Variants in MYO15A observed in about 807,000 individuals in gnomAD.
MYO15A encodes the protein myosin XVA, also known as unconventional myosin-XV.
A neutral mutation model predicts 394.6 loss-of-function variants in MYO15A; 308 were observed. The observed-to-expected ratio is 0.78, with a 90% CI of 0.71 to 0.86. MYO15A has a LOEUF of 0.86. Among genes scored for constraint, MYO15A ranks in the 40% least tolerant of loss-of-function variants. MYO15A has a pLI of 0.00. For missense variants in MYO15A, 4,606 were observed against 4,799.1 expected (o/e 0.96, Z 1.19); for synonymous variants, 1,957 against 2,003.8 (o/e 0.98, Z 0.62).
At position 18,157,179 on chromosome 17, in the gene MYO15A, C is replaced by T. The variant is rs1417964003; in HGVS notation, c.8737C>T (p.Arg2913Cys). ...RVGYSAGCVV[R>C]RKVVYLEELR... ...AGGCTACAGTGCTGGCTGCGTGGTTCGCAGGAAGGTGGTGTACCTGGAGGA... is the reference window on the plus strand; with the variant it reads ...AGGCTACAGTGCTGGCTGCGTGGTTTGCAGGAAGGTGGTGTACCTGGAGGA... Residue 2913 changes from arginine to cysteine, a missense_variant, in exon 50 of 66, where the codon CGC becomes TGC. Physicochemically the swap from Arg to Cys is radical, Grantham distance 180. Transcript: ENST00000647165. 1.2e-5 allele frequency: 19 copies of T among 1,610,414 alleles called. No individual in the cohort carries two copies. Among genetic ancestry groups the T allele is most frequent in the Non-Finnish European group, 1.4e-5 (16 of 1,178,376 alleles).
Position 18,141,688 on chromosome 17 carries a change from C to T in MYO15A, c.5567C>T (p.Pro1856Leu), listed in dbSNP as rs1160756794. ...CTAGTGGCCCTCAAGCATGACCTGC[C>T]GGCTAATGGGGACATGTGTGTGTCA... The part of the protein sequence containing the change: ...CCLVALKHDL[P>L]ANGDMCVSVL... Residue 1856 changes from proline to leucine, a missense_variant, in exon 23 of 66, where the codon CCG becomes CTG. Around this residue, in one of 2 missense-constraint regions of MYO15A, gnomAD observed 2,776 missense variants for 3,109.3 expected, o/e 0.89. Transcript: ENST00000647165. 2.0e-5 allele frequency: 32 copies of T among 1,613,984 alleles called. No homozygotes were observed. The highest frequency in any genetic ancestry group is 5.0e-5 in the Admixed American group (3 of 60,002).
intron 13 of MYO15A, 77 bp from the exon 14 acceptor site, chr17:18,136,340 C>G: frequency 5.1e-6 from 8 of 1,564,948 alleles, no homozygotes; most frequent in Non-Finnish European, 6.1e-6. Flanking sequence ...CATGATCCCA[C>G]TCCCTTAGTC....
At chr17:18,133,743 G>A (rs1259676718) in intron 12 of MYO15A, among the ~76,000 whole-genome samples, 2 of 151,248 alleles carry the variant, frequency 1.3e-5, no homozygotes, top group East Asian at 2.0e-4. Context: ...TGCAACCACC[G>A]CCTCCCAGGC....
At position 18,141,637 on chromosome 17, in the gene MYO15A, T is replaced by C. The variant is rs761943186; in HGVS notation, c.5532-16T>C. 6.2e-7 allele frequency: 1 copy of C among 1,612,198 alleles called. No individual in the cohort carries two copies. ...TAGGTCTCATAGCCCCAGACTAACT[T>C]TGGGCCCCCTACCAGGTACTGCTGT... is the stretch of plus-strand genomic sequence containing the variant. On this transcript the variant is annotated splice_polypyrimidine_tract_variant and intron_variant, in intron 22 of 65. Transcript: ENST00000647165.
At position 18,146,061 on chromosome 17, in the gene MYO15A, C is replaced by G; in HGVS notation, c.6463C>G (p.Leu2155Val). Residue 2155 changes from leucine to valine, a missense_variant, in exon 30 of 66, where the codon CTC becomes GTC. This residue lies in a region of MYO15A where 2,776 missense variants were observed against 3,109.3 expected (regional missense o/e 0.89). Transcript: ENST00000647165. ...ERGWLLLAAC[L>V]SGFAPSPCFN... is the part of the protein sequence containing the mutation. The stretch of plus-strand genomic sequence containing the variant: ...GGGCTGGCTGCTGCTGGCCGCCTGC[C>G]TCAGTGGCTTTGCACCTTCCCCGTG... The G allele has an allele frequency of 1.9e-6, 3 of 1,613,940 alleles. No homozygotes were observed. Among genetic ancestry groups the G allele is most frequent in the Non-Finnish European group, 2.5e-6 (3 of 1,180,036 alleles).
Position 18,132,686 on chromosome 17 carries a change from A to G in MYO15A, c.4320+120A>G. 1 of 826,622 alleles carries G rather than the reference A, an allele frequency of 1.2e-6. No individual in the cohort carries two copies. Among genetic ancestry groups the G allele is most frequent in the Non-Finnish European group, 2.0e-6 (1 of 498,792 alleles). 51.2% of individuals were successfully genotyped at this position (826,622 alleles called of 1,614,324 possible). A position where few individuals can be genotyped will look rare whatever the true frequency, so the allele number is the denominator to read the frequency against. On this transcript the variant is annotated intron_variant, in intron 11 of 65. Coordinates refer to ENST00000647165, the MANE Select transcript of MYO15A (RefSeq NM_016239.4). The surrounding 1 kb of genome is among the most constrained non-coding windows in gnomAD (Gnocchi z 4.6). ...GTGTGAAGGTGAAGGAGATTTGGGG[A>G]GGGTGAGTTTGGATTTAAGACATCT...
intron 64 of MYO15A, 190 bp downstream of exon 64, chr17:18,172,480 C>T: frequency 1.1e-6 from 1 of 891,660 alleles, no homozygotes; most frequent in East Asian, 2.7e-5. Context: ...AAGAGTTGAG[C>T]CCCACCCATA....
chr17:18,163,887 C>T, intron 60 of MYO15A, 49 bp downstream of exon 60: 2 of 1,581,188 alleles, frequency 1.3e-6, no homozygotes, highest in East Asian at 2.3e-5. Flanking sequence ...CATCCCCGGG[C>T]CTTGTGCCAT....
At chr17:18,145,330 G>C (rs974395103) in intron 29 of MYO15A, among the ~76,000 whole-genome samples, 1 of 152,154 alleles carries the variant, frequency 6.6e-6, no homozygotes, top group African/African-American at 2.4e-5. Flanking sequence ...GGGAGCTCTA[G>C]AAGGTTCATG....
In MYO15A at chr17:18,121,603, C is replaced by T. The variant is rs1415043594; in HGVS notation, c.2803C>T (p.Pro935Ser). The change falls in exon 2 of 66, where the codon CCC becomes TCC. Residue 935 changes from proline (P) to serine (S), a missense_variant. This residue lies in a region of MYO15A where 1,830 missense variants were observed against 1,689.7 expected (regional missense o/e 1.08). Transcript: ENST00000647165. This position sits in a 1 kb window ranked among gnomAD's most constrained non-coding sequence, Gnocchi z 5.3. ...CCCCAGCTGGGACGTGGACATGCCTCCCACCCAACGCCCACCCTCCCCCTG... is the reference window on the plus strand; with the variant it reads ...CCCCAGCTGGGACGTGGACATGCCTTCCACCCAACGCCCACCCTCCCCCTG... ...LAPSWDVDMPPTQRPPSPWPG... is the reference protein window; with the variant it reads ...LAPSWDVDMPSTQRPPSPWPG... The T allele has an allele frequency of 6.3e-7, 1 of 1,587,822 alleles. No homozygotes were observed. The highest frequency in any genetic ancestry group is 1.3e-5 in the African/African-American group (1 of 74,408).
At chr17:18,123,619 T>A (rs2045979278) in intron 2 of MYO15A, 1 of 152,372 alleles carries the variant, frequency 6.6e-6, no homozygotes, top group African/African-American at 2.4e-5. Flanking sequence ...GTCATGTGGA[T>A]CCTGCGCAGG....
chr17:18,176,232 C>T (rs1018391720), intron 65 of MYO15A, among the ~76,000 whole-genome samples: 1 of 152,200 alleles, frequency 6.6e-6, no homozygotes, highest in African/African-American at 2.4e-5. Context: ...TTATCTGGCT[C>T]ACGGTTCTGC....
intron 12 of MYO15A, among the ~76,000 whole-genome samples, chr17:18,134,455 T>C (rs1241682083): frequency 6.6e-6 from 1 of 152,266 alleles, no homozygotes; most frequent in Non-Finnish European, 1.5e-5. Flanking sequence ...CTAAGACCTT[T>C]TATGGATTTT....
chr17:18,172,414 C>A, intron 64 of MYO15A, 124 bp downstream of exon 64: 1 of 1,396,094 alleles, frequency 7.2e-7, no homozygotes, highest in Non-Finnish European at 1.0e-6. Flanking sequence ...TTCATGATCT[C>A]AGGCAAGTCT....
At chr17:18,172,333 C>G (rs2046954352) in intron 64 of MYO15A, 43 bp downstream of exon 64, 1 of 1,613,940 alleles carries the variant, frequency 6.2e-7, no homozygotes, top group East Asian at 2.2e-5. Flanking sequence ...ACCCTCTGTT[C>G]CCTGGTCCCC....
chr17:18,161,246 A>G, intron 56 of MYO15A, 71 bp from the exon 57 acceptor site: 1 of 1,580,264 alleles, frequency 6.3e-7, no homozygotes, highest in African/African-American at 1.3e-5. Flanking sequence ...GTCTCAGCTC[A>G]ATCCCAGGAG....
At chr17:18,171,516 C>T in intron 62 of MYO15A, 122 bp from the exon 63 acceptor site, 1 of 1,471,288 alleles carries the variant, frequency 6.8e-7, no homozygotes, top group Non-Finnish European at 9.5e-7. Context: ...TTTACACTCC[C>T]TAGCATTTAG....
At chr17:18,161,535 G>C (rs543266962) in intron 57 of MYO15A, 88 bp downstream of exon 57, 2 of 1,567,962 alleles carry the variant, frequency 1.3e-6, no homozygotes, top group South Asian at 1.1e-5. Flanking sequence ...AACCCAGAGG[G>C]CCTCGCTCTT....
At chr17:18,114,602 C>T (rs1246007215) in intron 1 of MYO15A, among the ~76,000 whole-genome samples, 3 of 152,122 alleles carry the variant, frequency 2.0e-5, no homozygotes, top group East Asian at 1.9e-4. Flanking sequence ...CTTCCCTTGC[C>T]CCTGCTACTG....
Sources: allele counts gnomAD v4.1 joint callset (sites outside exome capture counted in the v4.1 genomes callset), GRCh38; gene constraint gnomAD v4.1.1; regional missense constraint gnomAD v4.1.1; non-coding constraint Gnocchi (gnomAD v3.1); transcripts MANE v1.5; gene names NCBI Gene and HGNC (gene_info 2026-07-23, HGNC 2026-07-21).